LRRC7: variants seen among roughly 807,000 people sequenced by gnomAD.
The protein encoded by LRRC7 is leucine rich repeat containing 7.
A neutral mutation model predicts 175.7 loss-of-function variants in LRRC7; 23 were observed. The ratio of observed to expected loss-of-function variants is 0.13; its 90% CI spans 0.09 to 0.19. The LOEUF is 0.19. Among genes scored for constraint, LRRC7 ranks in the 10% least tolerant of loss-of-function variants. LRRC7 has a pLI of 1.00. For missense variants in LRRC7, 1,354 were observed against 1,904.7 expected (o/e 0.71, Z 5.38); for synonymous variants, 685 against 680.9 (o/e 1.01, Z -0.09).
intron 1 of LRRC7, among the ~76,000 whole-genome samples, chr1:69,590,125 TTAG>T (rs200587107): frequency 0.013 from 1,941 of 152,304 alleles, 39 homozygotes; most frequent in African/African-American, 0.042. Flanking sequence ...CATAATATTA[TTAG>T]TATAATCATC....
intron 8 of LRRC7, among the ~76,000 whole-genome samples, chr1:69,952,481 C>T (rs1650042766): frequency 6.6e-6 from 1 of 151,976 alleles, no homozygotes; most frequent in Non-Finnish European, 1.5e-5. Flanking sequence ...AAAAAGTCTT[C>T]CTTAAATTTA....
chr1:69,786,286 C>T (rs1252000438), intron 3 of LRRC7, among the ~76,000 whole-genome samples: 1 of 152,082 alleles, frequency 6.6e-6, no homozygotes, highest in Admixed American at 6.5e-5. Context: ...CACAAGAGAG[C>T]TCAGTCTTGT....
chr1:69,985,634 C>A (rs979650045), intron 9 of LRRC7, among the ~76,000 whole-genome samples: 2 of 152,146 alleles, frequency 1.3e-5, no homozygotes, highest in South Asian at 4.1e-4. Context: ...CCATAACTCC[C>A]ACACTCCCCA....
Position 69,643,372 on chromosome 1 carries a change from T to TA in LRRC7, c.3-35002dup, listed in dbSNP as rs991058733. Among the ~76,000 whole-genome samples, 8 of 152,132 alleles carry TA rather than the reference T, an allele frequency of 5.3e-5. No homozygotes were observed. In the East Asian group the frequency reaches 1.2e-3, roughly 22 times the overall value. ...ATATAAAATTAACTCTCACAGTCAG[T>TA]AAAAAAAGAGTGCTTGTACAAATGT... is the stretch of plus-strand genomic sequence containing the variant. On this transcript the variant is annotated intron_variant, in intron 1 of 26. Transcript: ENST00000651989.
chr1:69,712,458 G>A (rs1167745077), intron 2 of LRRC7, among the ~76,000 whole-genome samples: 2 of 152,092 alleles, frequency 1.3e-5, no homozygotes, highest in African/African-American at 2.4e-5. Context: ...AGAAAAATTA[G>A]CCAGGCTTGG....
At chr1:70,120,193 G>A (rs1341145797) in intron 26 of LRRC7, among the ~76,000 whole-genome samples, 1 of 152,010 alleles carries the variant, frequency 6.6e-6, no homozygotes, top group Non-Finnish European at 1.5e-5. Flanking sequence ...CAAGAAATCT[G>A]AGCTGTGTAA....
At chr1:70,109,905 T>G (rs1433437593) in intron 26 of LRRC7, among the ~76,000 whole-genome samples, 3 of 152,216 alleles carry the variant, frequency 2.0e-5, no homozygotes, top group African/African-American at 7.2e-5. Flanking sequence ...ATCTCAGATC[T>G]CTTACCTACT....
intron 22 of LRRC7, among the ~76,000 whole-genome samples, chr1:70,049,587 A>G (rs780668848): frequency 5.3e-5 from 8 of 152,116 alleles, no homozygotes; most frequent in Non-Finnish European, 1.0e-4. Context: ...ATCCAAATAA[A>G]TTCTTATAGA....
At chr1:69,879,444 A>C (rs948239702) in intron 7 of LRRC7, 3 of 151,998 alleles carry the variant, frequency 2.0e-5, no homozygotes, top group Non-Finnish European at 4.4e-5. Context: ...TACTGAAAGG[A>C]CCCTCTCTCG....
chr1:69,972,527 T>C (rs1652345115), intron 8 of LRRC7, among the ~76,000 whole-genome samples: 1 of 152,110 alleles, frequency 6.6e-6, no homozygotes, highest in Non-Finnish European at 1.5e-5. Flanking sequence ...ATGCTCAACA[T>C]CACTAGTGAT....
intron 3 of LRRC7, among the ~76,000 whole-genome samples, chr1:69,780,774 A>C (rs1041627617): frequency 2.6e-5 from 4 of 152,200 alleles, no homozygotes; most frequent in African/African-American, 9.7e-5. Context: ...AATTCAAAGG[A>C]AGAACTTCTA....
chr1:69,909,537 T>C (rs1344945587), intron 7 of LRRC7, among the ~76,000 whole-genome samples: 1 of 152,092 alleles, frequency 6.6e-6, no homozygotes, highest in African/African-American at 2.4e-5. Flanking sequence ...TGAAGCTTAG[T>C]TTGGCTGGAT....
At chr1:69,890,630 A>C (rs960828747) in intron 7 of LRRC7, among the ~76,000 whole-genome samples, 5 of 152,278 alleles carry the variant, frequency 3.3e-5, no homozygotes, top group African/African-American at 1.2e-4. Context: ...AGGCATTGAT[A>C]TTTCCTCTTT....
chr1:69,718,130 G>GA (rs1491272108), intron 2 of LRRC7, among the ~76,000 whole-genome samples: 1 of 44,722 alleles, frequency 2.2e-5, no homozygotes, highest in Non-Finnish European at 3.8e-5. Context: ...AGAAAGAAAA[G>GA]AAAGAAAGAG....
chr1:69,902,399 G>T (rs1319304322), intron 7 of LRRC7, among the ~76,000 whole-genome samples: 1 of 151,990 alleles, frequency 6.6e-6, no homozygotes, highest in South Asian at 2.1e-4. Flanking sequence ...GTAAAACCTC[G>T]TCTCTACAAA....
chr1:70,086,042 A>G (rs1663583096), intron 24 of LRRC7, among the ~76,000 whole-genome samples: 1 of 152,172 alleles, frequency 6.6e-6, no homozygotes, highest in Admixed American at 6.6e-5. Flanking sequence ...AAAACTCATC[A>G]TGTATTTTAA....
chr1:70,035,456 G>A (rs1192631434), intron 18 of LRRC7, among the ~76,000 whole-genome samples: 2 of 151,880 alleles, frequency 1.3e-5, no homozygotes, highest in African/African-American at 4.8e-5. Context: ...TGAAGATTTA[G>A]TATGCTAGAT....
chr1:69,750,151 T>A (rs113547448), intron 2 of LRRC7, among the ~76,000 whole-genome samples: 2 of 151,726 alleles, frequency 1.3e-5, no homozygotes, highest in Admixed American at 6.6e-5. Flanking sequence ...AAGAATCTTG[T>A]AGAGCACCCT....
intron 7 of LRRC7, among the ~76,000 whole-genome samples, chr1:69,896,104 C>G (rs1302386685): frequency 6.6e-6 from 1 of 151,634 alleles, no homozygotes; most frequent in African/African-American, 2.4e-5. Context: ...TAAAAGGGTG[C>G]CTGAAGGGGG....
Sources: gnomAD v4.1 joint callset for allele counts (sites outside exome capture counted in the v4.1 genomes callset) on GRCh38, gnomAD v4.1.1 for gene constraint, MANE v1.5 for transcripts, NCBI Gene and HGNC (gene_info 2026-07-23, HGNC 2026-07-21) for gene names.